NR3C2: variants seen among roughly 807,000 people sequenced by gnomAD.
The protein encoded by NR3C2 is nuclear receptor subfamily 3 group C member 2, also known as mineralocorticoid receptor.
Under a neutral mutation model 86.4 loss-of-function variants are expected in NR3C2, and 15 were observed. That is an observed-to-expected ratio of 0.17 (90% CI 0.12 to 0.27). The LOEUF is 0.27. Ranked by LOEUF, NR3C2 falls within the 10% of genes least tolerant of loss-of-function variation. The pLI is 1.00. For synonymous variants in NR3C2, 458 were observed against 450.5 expected (o/e 1.02, Z -0.21); for missense variants, 960 against 1,195.6 (o/e 0.80, Z 2.91).
chr4:148,094,736 CAAAAAAACAA>C (rs1731206386), intron 8 of NR3C2, among the ~76,000 whole-genome samples: 1 of 132,120 alleles, frequency 7.6e-6, no homozygotes, highest in African/African-American at 3.4e-5. Flanking sequence ...ACAAAAAAAA[CAAAAAAACAA>C]AAAAAAAACA....
intron 2 of NR3C2, among the ~76,000 whole-genome samples, chr4:148,270,641 A>G (rs977658460): frequency 2.0e-5 from 3 of 152,198 alleles, no homozygotes; most frequent in African/African-American, 7.2e-5. Context: ...CAAATAAATC[A>G]TCAGTGAAGT....
intron 2 of NR3C2, among the ~76,000 whole-genome samples, chr4:148,316,742 A>G (rs1369358506): frequency 6.6e-6 from 1 of 152,230 alleles, no homozygotes; most frequent in South Asian, 2.1e-4. Context: ...GGTTTTGAAC[A>G]TTCCACTTAA....
At chr4:148,246,673 T>G (rs917532697) in intron 3 of NR3C2, among the ~76,000 whole-genome samples, 10 of 152,194 alleles carry the variant, frequency 6.6e-5, no homozygotes, top group African/African-American at 2.4e-4. Flanking sequence ...TTTCTCAGCC[T>G]CCAGAGTAGC....
chr4:148,266,658 A>G (rs1740410838), intron 2 of NR3C2, among the ~76,000 whole-genome samples: 1 of 152,138 alleles, frequency 6.6e-6, no homozygotes, highest in Non-Finnish European at 1.5e-5. Context: ...TGAACTCTGG[A>G]ATGTTTTAAG....
At chr4:148,372,659 T>C (rs1038248074) in intron 2 of NR3C2, among the ~76,000 whole-genome samples, 67 of 152,292 alleles carry the variant, frequency 4.4e-4, no homozygotes, top group African/African-American at 1.5e-3. Flanking sequence ...GGAAGGCACA[T>C]AAAAGGAAAA....
intron 2 of NR3C2, among the ~76,000 whole-genome samples, chr4:148,397,919 A>G (rs1747944414): frequency 6.6e-6 from 1 of 152,200 alleles, no homozygotes; most frequent in Non-Finnish European, 1.5e-5. Context: ...GGAGGCCAGA[A>G]GTTCAAAATC....
chr4:148,173,048 A>G (rs1343720686), intron 4 of NR3C2, among the ~76,000 whole-genome samples: 1 of 152,216 alleles, frequency 6.6e-6, no homozygotes. Flanking sequence ...CAGCGGGGGA[A>G]TATGTAGGGG....
At chr4:148,385,001 C>T (rs925815548) in intron 2 of NR3C2, among the ~76,000 whole-genome samples, 3 of 152,150 alleles carry the variant, frequency 2.0e-5, no homozygotes, top group Non-Finnish European at 4.4e-5. Context: ...CTTCCCATGT[C>T]CATTTTGTCC....
chr4:148,354,502 G>C (rs373591615), intron 2 of NR3C2, among the ~76,000 whole-genome samples: 11 of 151,984 alleles, frequency 7.2e-5, no homozygotes, highest in East Asian at 5.8e-4. Context: ...CCTGCAGGTA[G>C]CCACTCACCC....
chr4:148,277,542 C>G (rs1394391125), intron 2 of NR3C2, among the ~76,000 whole-genome samples: 1 of 152,028 alleles, frequency 6.6e-6, no homozygotes. Context: ...ACAGCAAGAC[C>G]CCATCTCTAA....
At chr4:148,360,232 T>A (rs1745770998) in intron 2 of NR3C2, among the ~76,000 whole-genome samples, 1 of 152,204 alleles carries the variant, frequency 6.6e-6, no homozygotes, top group South Asian at 2.1e-4. Flanking sequence ...GTAGAGAACT[T>A]TGGAAAAATA....
chr4:148,434,970 A>G (rs1749965171), intron 2 of NR3C2, 134 bp downstream of exon 2: 4 of 826,170 alleles, frequency 4.8e-6, no homozygotes, highest in Non-Finnish European at 4.0e-6. Context: ...ATCAACATGC[A>G]AAGTGGAGCA....
chr4:148,318,117 T>C (rs900351895), intron 2 of NR3C2, among the ~76,000 whole-genome samples: 2 of 149,870 alleles, frequency 1.3e-5, no homozygotes, highest in Non-Finnish European at 3.0e-5. Context: ...TGAGTGAGAA[T>C]ATGCGGTGTT....
intron 3 of NR3C2, among the ~76,000 whole-genome samples, chr4:148,199,984 A>G (rs1460082505): frequency 6.6e-6 from 1 of 152,252 alleles, no homozygotes; most frequent in African/African-American, 2.4e-5. Flanking sequence ...GAAGGAAAGC[A>G]TCTGGCATAA....
chr4:148,347,686 C>T (rs1363097919), intron 2 of NR3C2, among the ~76,000 whole-genome samples: 1 of 152,256 alleles, frequency 6.6e-6, no homozygotes, highest in East Asian at 1.9e-4. Flanking sequence ...TGAGTACCTA[C>T]GCATGCCCCG....
intron 3 of NR3C2, among the ~76,000 whole-genome samples, chr4:148,237,917 T>G (rs1738826469): frequency 6.6e-6 from 1 of 152,154 alleles, no homozygotes; most frequent in African/African-American, 2.4e-5. Context: ...GACAGTTTAT[T>G]CCATTTATAT....
chr4:148,436,383 G>T lies in NR3C2; in HGVS notation c.478C>A (p.Pro160Thr), dbSNP rs1211163833. 1.2e-6 allele frequency: 2 copies of T among 1,614,086 alleles called. No homozygotes were observed. The highest frequency in any genetic ancestry group is 1.7e-5 in the Admixed American group (1 of 60,006). ...GAGTCAGACATAAATGATCTCAAGG[G>T]CGTGTTCACACAACTTAGAGTGGAA... is the stretch of plus-strand genomic sequence containing the variant. Reference protein sequence around the residue: ...RPSTLSCVNTPLRSFMSDSGS... With the variant: ...RPSTLSCVNTTLRSFMSDSGS... The change falls in exon 2 of 9, where the codon CCC (proline) becomes ACC (threonine). Residue 160 changes from proline (P) to threonine (T), a missense_variant. Physicochemically the swap from Pro to Thr is conservative, Grantham distance 38 (BLOSUM62 -1). Coordinates refer to ENST00000358102, the MANE Select transcript of NR3C2 (RefSeq NM_000901.5).
chr4:148,263,438 C>T (rs1403971126), intron 2 of NR3C2, among the ~76,000 whole-genome samples: 1 of 152,190 alleles, frequency 6.6e-6, no homozygotes, highest in Admixed American at 6.5e-5. Context: ...CTGTTGGTAA[C>T]ACTGGTTCAG....
At chr4:148,274,801 G>A (rs922431483) in intron 2 of NR3C2, among the ~76,000 whole-genome samples, 8 of 149,900 alleles carry the variant, frequency 5.3e-5, no homozygotes, top group Non-Finnish European at 7.4e-5. Flanking sequence ...GGGTTCACGT[G>A]ATTCTCCCAC....
Sources: allele counts gnomAD v4.1 joint callset (sites outside exome capture counted in the v4.1 genomes callset), GRCh38; gene constraint gnomAD v4.1.1; transcripts MANE v1.5; gene names NCBI Gene and HGNC (gene_info 2026-07-23, HGNC 2026-07-21).